Variants in AIG1 observed in about 807,000 individuals in gnomAD.
The protein encoded by AIG1 is androgen induced 1, also known as androgen-induced gene 1 protein.
In AIG1, 23 loss-of-function variants were observed where a neutral mutation model predicts 31.4. The ratio of observed to expected loss-of-function variants is 0.73; its 90% CI spans 0.53 to 1.04. The LOEUF is 1.04. Among genes scored for constraint, AIG1 ranks in the 50% least tolerant of loss-of-function variants. The pLI is 0.00. For missense variants in AIG1, 274 were observed against 295.0 expected, an observed-to-expected ratio of 0.93 and a Z score of 0.52; for synonymous variants, 100 against 110.5, an observed-to-expected ratio of 0.90 and a Z score of 0.60.
chr6:143,112,229 C>T (rs1187422414), intron 1 of AIG1, among the ~76,000 whole-genome samples: 1 of 152,186 alleles, frequency 6.6e-6, no homozygotes, highest in Non-Finnish European at 1.5e-5. Context: ...TTCATAAATA[C>T]TCTGCTTCTG....
At chr6:143,118,323 G>A (rs1325540874) in intron 1 of AIG1, among the ~76,000 whole-genome samples, 1 of 152,104 alleles carries the variant, frequency 6.6e-6, no homozygotes, top group African/African-American at 2.4e-5. Flanking sequence ...GCCGAGTCTG[G>A]TGGCAGGTGC....
At chr6:143,121,502 T>C (rs1252600150) in intron 1 of AIG1, among the ~76,000 whole-genome samples, 1 of 152,232 alleles carries the variant, frequency 6.6e-6, no homozygotes, top group African/African-American at 2.4e-5. Flanking sequence ...CCTCCTTTCC[T>C]TCCATCTATC....
intron 3 of AIG1, among the ~76,000 whole-genome samples, chr6:143,195,795 G>T (rs1790175726): frequency 6.6e-6 from 1 of 150,980 alleles, no homozygotes; most frequent in African/African-American, 2.4e-5. Context: ...CAAGGACAGT[G>T]GCTGGCACAG....
intron 3 of AIG1, among the ~76,000 whole-genome samples, chr6:143,219,471 AAAAACAAAAC>A (rs536926876): frequency 1.4e-4 from 21 of 152,156 alleles, no homozygotes; most frequent in East Asian, 1.9e-4. Flanking sequence ...TCCTATCTCT[AAAAACAAAAC>A]AAAACAAAAC....
intron 2 of AIG1, among the ~76,000 whole-genome samples, chr6:143,156,421 A>G (rs1307572393): frequency 1.3e-5 from 2 of 152,210 alleles, no homozygotes; most frequent in African/African-American, 4.8e-5. Flanking sequence ...TGTAGAGTGC[A>G]TTTTACATGC....
At chr6:143,062,657 C>T (rs1191625950) in intron 1 of AIG1, among the ~76,000 whole-genome samples, 3 of 152,252 alleles carry the variant, frequency 2.0e-5, no homozygotes, top group South Asian at 2.1e-4. Flanking sequence ...AATCTGCAAC[C>T]CTGAGGTTCT....
At chr6:143,213,351 A>G (rs1308297445) in intron 3 of AIG1, among the ~76,000 whole-genome samples, 3 of 152,098 alleles carry the variant, frequency 2.0e-5, no homozygotes, top group African/African-American at 7.2e-5. Context: ...AGTGAGAAAC[A>G]GGCAAGGAAG....
intron 3 of AIG1, among the ~76,000 whole-genome samples, chr6:143,277,925 T>C (rs1428712248): frequency 1.3e-5 from 2 of 152,342 alleles, no homozygotes; most frequent in Non-Finnish European, 2.9e-5. Flanking sequence ...AGATCTAAAA[T>C]AGTCTTGAGA....
intron 2 of AIG1, among the ~76,000 whole-genome samples, chr6:143,140,373 C>T (rs1031012161): frequency 1.3e-5 from 2 of 152,024 alleles, no homozygotes; most frequent in African/African-American, 4.8e-5. Flanking sequence ...GATTTTTCGT[C>T]TTTCTGTCTC....
At chr6:143,060,785 C>A (rs1262497902), upstream of AIG1, 1 of 101,280 alleles carries the variant, frequency 9.9e-6, no homozygotes, top group Non-Finnish European at 2.0e-5. Flanking sequence ...GCGCGCGCCC[C>A]GCCCCCGCCC....
At chr6:143,306,177 C>A (rs112563461) in intron 4 of AIG1, among the ~76,000 whole-genome samples, 8 of 151,750 alleles carry the variant, frequency 5.3e-5, no homozygotes, top group Admixed American at 5.3e-4. Flanking sequence ...GACTCTTTAT[C>A]CAATTTACCA....
intron 2 of AIG1, among the ~76,000 whole-genome samples, chr6:143,139,790 T>C (rs537426321): frequency 5.3e-5 from 8 of 152,318 alleles, no homozygotes; most frequent in Admixed American, 4.6e-4. Flanking sequence ...TGCTATTTGA[T>C]GTTTTGTATC....
chr6:143,190,973 A>G (rs1458669135), intron 3 of AIG1, among the ~76,000 whole-genome samples: 3 of 151,892 alleles, frequency 2.0e-5, no homozygotes, highest in Non-Finnish European at 2.9e-5. Flanking sequence ...AGACTGAGAC[A>G]CTATCTATTT....
intron 3 of AIG1, among the ~76,000 whole-genome samples, chr6:143,255,258 T>C (rs1795298878): frequency 6.6e-6 from 1 of 152,242 alleles, no homozygotes; most frequent in Non-Finnish European, 1.5e-5. Flanking sequence ...AGGTATATTG[T>C]TCTGCTAAGG....
intron 3 of AIG1, among the ~76,000 whole-genome samples, chr6:143,255,530 C>T (rs1795318215): frequency 6.6e-6 from 1 of 152,160 alleles, no homozygotes; most frequent in Non-Finnish European, 1.5e-5. Context: ...ATGACCTTGC[C>T]TAAGCTTAAT....
intron 1 of AIG1, among the ~76,000 whole-genome samples, chr6:143,104,162 C>T (rs1373377718): frequency 6.6e-6 from 1 of 152,180 alleles, no homozygotes; most frequent in Non-Finnish European, 1.5e-5. Flanking sequence ...TTACTAGTCC[C>T]TCTTTGGGAC....
chr6:143,217,868 G>C (rs977549369), intron 3 of AIG1, among the ~76,000 whole-genome samples: 3 of 152,190 alleles, frequency 2.0e-5, no homozygotes, highest in East Asian at 3.8e-4. Context: ...TACTGATCAC[G>C]TGGTAGGATA....
chr6:143,195,487 CA>C (rs1382979807), intron 3 of AIG1, among the ~76,000 whole-genome samples: 1 of 152,094 alleles, frequency 6.6e-6, no homozygotes, highest in African/African-American at 2.4e-5. Context: ...GAGTTTTAAA[CA>C]AGGGGAAGAT....
At chr6:143,097,538 A>G (rs1779903088) in intron 1 of AIG1, among the ~76,000 whole-genome samples, 1 of 152,204 alleles carries the variant, frequency 6.6e-6, no homozygotes, top group African/African-American at 2.4e-5. Context: ...ATCTTGCTTG[A>G]TGTTTATAAC....
Sources: gnomAD v4.1 joint callset for allele counts (sites outside exome capture counted in the v4.1 genomes callset) on GRCh38, gnomAD v4.1.1 for gene constraint, MANE v1.5 for transcripts, NCBI Gene and HGNC (gene_info 2026-07-23, HGNC 2026-07-21) for gene names.